The following LRBA variants were observed in gnomAD, a reference collection of about 807,000 sequenced individuals.
LRBA encodes the protein LPS responsive beige-like anchor protein.
Under a neutral mutation model 330.0 loss-of-function variants are expected in LRBA, and 176 were observed. That is an observed-to-expected ratio of 0.53 (90% CI 0.47 to 0.60). LRBA has a LOEUF of 0.60. LRBA is among the 20% of genes least tolerant of loss of function. LRBA has a pLI of 0.00. For synonymous variants in LRBA, 1,230 were observed against 1,193.0 expected, an observed-to-expected ratio of 1.03 and a Z score of -0.64; for missense variants, 3,259 against 3,444.8, an observed-to-expected ratio of 0.95 and a Z score of 1.35.
intron 42 of LRBA, among the ~76,000 whole-genome samples, chr4:150,477,435 T>C (rs1329059992): frequency 2.0e-5 from 3 of 152,066 alleles, no homozygotes; most frequent in Non-Finnish European, 4.4e-5. Flanking sequence ...AAGCACCTTC[T>C]TCACAAGGCA....
At chr4:150,946,198 T>C (rs1736228965) in intron 2 of LRBA, among the ~76,000 whole-genome samples, 2 of 152,226 alleles carry the variant, frequency 1.3e-5, no homozygotes, top group African/African-American at 4.8e-5. Flanking sequence ...AAAGTAACTG[T>C]GCCTTCCTCA....
intron 40 of LRBA, among the ~76,000 whole-genome samples, chr4:150,568,597 A>G (rs1398670536): frequency 2.6e-5 from 4 of 152,110 alleles, no homozygotes; most frequent in Non-Finnish European, 4.4e-5. Flanking sequence ...AAGAAAACTA[A>G]CCAAGATTAT....
At position 150,761,863 on chromosome 4, in the gene LRBA, C is replaced by A; in HGVS notation, c.5581-16G>T. 6 of 1,326,162 alleles carry A rather than the reference C, an allele frequency of 4.5e-6. No individual in the cohort carries two copies. Among genetic ancestry groups the A allele is most frequent in the Non-Finnish European group, 6.2e-6 (6 of 963,754 alleles). The allele number at this position is 1,326,162 out of a possible 1,614,324, so 82.1% of individuals were successfully genotyped here. ...TTTGCCACTCCTATAAAAAAAAAAG[C>A]AAAAATAGCTGAAGAAATGTCACTC... On this transcript the variant is annotated splice_polypyrimidine_tract_variant and intron_variant, in intron 34 of 56. Coordinates refer to ENST00000651943, the MANE Select transcript of LRBA (RefSeq NM_001364905.1).
At chr4:150,592,933 C>T (rs1773071030) in intron 38 of LRBA, among the ~76,000 whole-genome samples, 1 of 151,996 alleles carries the variant, frequency 6.6e-6, no homozygotes, top group African/African-American at 2.4e-5. Flanking sequence ...CTCACCTGGC[C>T]TATTTTTTTT....
chr4:150,643,696 T>C (rs866944945), intron 37 of LRBA, among the ~76,000 whole-genome samples: 2 of 151,886 alleles, frequency 1.3e-5, no homozygotes, highest in Non-Finnish European at 2.9e-5. Flanking sequence ...AGCTGTAATA[T>C]AGGATAAAGA....
chr4:150,781,705 T>C (rs1330916007), intron 34 of LRBA, among the ~76,000 whole-genome samples: 3 of 152,210 alleles, frequency 2.0e-5, no homozygotes, highest in Admixed American at 6.5e-5. Context: ...ATCTCTCTAG[T>C]GGTATTTTAT....
intron 36 of LRBA, among the ~76,000 whole-genome samples, chr4:150,697,351 A>AAAAAAAAAAAAC (rs1491393713): frequency 6.8e-6 from 1 of 148,086 alleles, no homozygotes; most frequent in South Asian, 2.1e-4. Context: ...AAAAAAAAAA[A>AAAAAAAAAAAAC]CAGGGAGAGT....
intron 47 of LRBA, among the ~76,000 whole-genome samples, chr4:150,386,463 C>A (rs535433962): frequency 7.1e-6 from 1 of 139,994 alleles, no homozygotes; most frequent in Non-Finnish European, 1.5e-5. Flanking sequence ...TTCCCCTCCC[C>A]CTGTCCATGT....
At chr4:150,696,702 G>A (rs990552743) in intron 36 of LRBA, among the ~76,000 whole-genome samples, 1 of 151,980 alleles carries the variant, frequency 6.6e-6, no homozygotes, top group South Asian at 2.1e-4. Context: ...GAAAAAGAAG[G>A]AACTATTAGG....
intron 34 of LRBA, among the ~76,000 whole-genome samples, chr4:150,764,500 T>C (rs1582278261): frequency 1.3e-5 from 2 of 152,080 alleles, no homozygotes; most frequent in East Asian, 1.9e-4. Flanking sequence ...GTATCAGTAA[T>C]AACAAGTCAC....
In LRBA at chr4:150,739,844, T is replaced by C. The variant is rs144999461; in HGVS notation, c.5646-4478A>G. 5.3e-5 allele frequency among the ~76,000 whole-genome samples: 8 copies of C among 152,268 alleles called. No individual in the cohort carries two copies. In the East Asian group the frequency reaches 5.8e-4, roughly 11 times the overall value. Reference sequence around the variant, plus strand: ...GAAGTGAATCCTGCCAACAATCACATGATCATGGAAGCAGATCCTTTCCTA... The same window carrying C: ...GAAGTGAATCCTGCCAACAATCACACGATCATGGAAGCAGATCCTTTCCTA... On this transcript the variant is annotated intron_variant, in intron 35 of 56. Coordinates refer to ENST00000651943, the MANE Select transcript of LRBA (RefSeq NM_001364905.1).
chr4:150,928,474 G>A, intron 4 of LRBA, 42 bp downstream of exon 4: 4 of 1,190,542 alleles, frequency 3.4e-6, no homozygotes, highest in Non-Finnish European at 5.0e-6. Context: ...TGTTTGGGAG[G>A]AGCATACTTT....
intron 37 of LRBA, among the ~76,000 whole-genome samples, chr4:150,604,823 A>T: frequency 6.6e-6 from 1 of 152,132 alleles, no homozygotes; most frequent in Non-Finnish European, 1.5e-5. Context: ...CCTGCCCCAC[A>T]ATTCAATGCT....
chr4:150,869,222 CA>C (rs1753128136), intron 20 of LRBA, among the ~76,000 whole-genome samples: 1 of 151,948 alleles, frequency 6.6e-6, no homozygotes, highest in African/African-American at 2.4e-5. Flanking sequence ...GCCGGCCTAC[CA>C]TAGAGAATTT....
intron 55 of LRBA, among the ~76,000 whole-genome samples, chr4:150,281,832 T>C (rs969999651): frequency 1.3e-5 from 2 of 152,232 alleles, no homozygotes; most frequent in South Asian, 2.1e-4. Context: ...TGTCTAATAC[T>C]TGTGGAGTCC....
At chr4:150,477,307 C>T (rs1756822370) in intron 42 of LRBA, among the ~76,000 whole-genome samples, 1 of 152,080 alleles carries the variant, frequency 6.6e-6, no homozygotes, top group African/African-American at 2.4e-5. Flanking sequence ...TCTCACACTG[C>T]TATAAAGAAC....
chr4:150,698,993 C>T (rs912853990), intron 36 of LRBA, among the ~76,000 whole-genome samples: 9 of 152,134 alleles, frequency 5.9e-5, no homozygotes, highest in African/African-American at 1.9e-4. Flanking sequence ...TAGTCCAGGT[C>T]TATAGACGCT....
chr4:150,410,175 C>T (rs1399488165), intron 47 of LRBA, among the ~76,000 whole-genome samples: 1 of 152,028 alleles, frequency 6.6e-6, no homozygotes, highest in Admixed American at 6.6e-5. Flanking sequence ...GCATGACAGT[C>T]TGTCTCTATG....
intron 17 of LRBA, among the ~76,000 whole-genome samples, chr4:150,883,762 TAACTG>T (rs1728651554): frequency 6.6e-6 from 1 of 152,238 alleles, no homozygotes; most frequent in Non-Finnish European, 1.5e-5. Flanking sequence ...CCAGTTTAAG[TAACTG>T]AACTGAATTT....
Sources: allele counts gnomAD v4.1 joint callset (sites outside exome capture counted in the v4.1 genomes callset), GRCh38; gene constraint gnomAD v4.1.1; transcripts MANE v1.5; gene names NCBI Gene and HGNC (gene_info 2026-07-23, HGNC 2026-07-21).